Variants in GPHN observed in about 807,000 individuals in gnomAD.
GPHN encodes gephyrin.
Under a neutral mutation model 95.5 loss-of-function variants are expected in GPHN, and 17 were observed. The observed-to-expected ratio is 0.18, with a 90% CI of 0.12 to 0.27. The LOEUF (loss-of-function observed/expected upper bound fraction) is 0.27, where lower values mean the gene tolerates loss of function less well. Among genes scored for constraint, GPHN ranks in the 10% least tolerant of loss-of-function variants. The probability of loss-of-function intolerance (pLI) is 1.00; values close to 1 mark genes in which losing one functional copy is unlikely to be tolerated. For synonymous variants in GPHN, 320 were observed against 322.5 expected (o/e 0.99, Z 0.08); for missense variants, 660 against 978.1 (o/e 0.67, Z 4.34).
intron 6 of GPHN, among the ~76,000 whole-genome samples, chr14:66,920,692 A>G (rs1460949729): frequency 1.3e-5 from 2 of 151,304 alleles, no homozygotes; most frequent in Non-Finnish European, 2.9e-5. Flanking sequence ...TGCACCCTTC[A>G]CCGAGAGGTA....
At chr14:67,673,160 T>G in the GPHN span, among the ~76,000 whole-genome samples, 1 of 152,306 alleles carries the variant, frequency 6.6e-6, no homozygotes, top group African/African-American at 2.4e-5. Flanking sequence ...CTGGCCAACA[T>G]GGCAAAACCC....
chr14:67,691,034 T>A, the GPHN span: 3 of 767,898 alleles, frequency 3.9e-6, no homozygotes, highest in East Asian at 2.4e-5. Flanking sequence ...TGGTCTATTA[T>A]GGTCCTGAGG....
chr14:66,570,543 C>T (rs900926525), intron 1 of GPHN, among the ~76,000 whole-genome samples: 2 of 151,810 alleles, frequency 1.3e-5, no homozygotes, highest in African/African-American at 2.4e-5. Context: ...TGATCTCAGG[C>T]GATCCACCTG....
At chr14:67,621,580 G>A in the GPHN span, among the ~76,000 whole-genome samples, 1 of 151,818 alleles carries the variant, frequency 6.6e-6, no homozygotes, top group East Asian at 2.0e-4. Context: ...CAAGTAGCTG[G>A]AATTACAGGT....
At chr14:66,800,458 G>A (rs1280794533) in intron 3 of GPHN, among the ~76,000 whole-genome samples, 1 of 151,902 alleles carries the variant, frequency 6.6e-6, no homozygotes, top group Non-Finnish European at 1.5e-5. Flanking sequence ...TCTATTCTAG[G>A]GTAAAAGATT....
At chr14:66,941,648 G>A (rs558982823) in intron 8 of GPHN, among the ~76,000 whole-genome samples, 1 of 150,638 alleles carries the variant, frequency 6.6e-6, no homozygotes, top group African/African-American at 2.4e-5. Context: ...CTTGACTCCT[G>A]AAAGGGAAAC....
intron 1 of GPHN, among the ~76,000 whole-genome samples, chr14:66,538,983 A>C (rs1204764367): frequency 6.6e-6 from 1 of 152,152 alleles, no homozygotes; most frequent in Non-Finnish European, 1.5e-5. Flanking sequence ...TATTAGGGTC[A>C]GTCTGCATTG....
chr14:67,429,183 C>T, the GPHN span, among the ~76,000 whole-genome samples: 1 of 151,660 alleles, frequency 6.6e-6, no homozygotes, highest in Non-Finnish European at 1.5e-5. Context: ...AGTGTGGTGG[C>T]TCATGCCTGT....
chr14:67,606,249 AG>A, the GPHN span, among the ~76,000 whole-genome samples: 2 of 152,230 alleles, frequency 1.3e-5, no homozygotes, highest in Non-Finnish European at 2.9e-5. Context: ...CGCAGAAAGT[AG>A]TGGTTTTTTT....
the GPHN span, among the ~76,000 whole-genome samples, chr14:67,414,495 C>G: frequency 6.6e-6 from 1 of 152,226 alleles, no homozygotes; most frequent in South Asian, 2.1e-4. Flanking sequence ...GAGCAAGAAG[C>G]TTTCAGAGAG....
intron 9 of GPHN, among the ~76,000 whole-genome samples, chr14:66,985,968 C>CA (rs1220681773): frequency 2.6e-5 from 4 of 152,050 alleles, no homozygotes; most frequent in African/African-American, 7.2e-5. Flanking sequence ...AATGGCACCA[C>CA]AAACAACAGA....
chr14:66,903,324 T>C (rs1400049295), intron 5 of GPHN, among the ~76,000 whole-genome samples: 4 of 152,176 alleles, frequency 2.6e-5, no homozygotes, highest in Non-Finnish European at 5.9e-5. Flanking sequence ...TTTTGCTGAA[T>C]TGACCTCTTT....
the GPHN span, among the ~76,000 whole-genome samples, chr14:67,298,247 T>C: frequency 6.6e-6 from 1 of 152,232 alleles, no homozygotes; most frequent in South Asian, 2.1e-4. Flanking sequence ...TTTAGTAATT[T>C]ATTAGTATCA....
chr14:67,568,794 C>T, the GPHN span, among the ~76,000 whole-genome samples: 6 of 152,102 alleles, frequency 3.9e-5, no homozygotes, highest in African/African-American at 1.4e-4. Context: ...TTCAGAGCAA[C>T]AGTTTACTGA....
chr14:67,145,258 C>T (rs749561349), intron 18 of GPHN, among the ~76,000 whole-genome samples: 2 of 152,114 alleles, frequency 1.3e-5, no homozygotes, highest in Non-Finnish European at 2.9e-5. Context: ...AGAACTAAAA[C>T]GTTTATCTTT....
intron 8 of GPHN, among the ~76,000 whole-genome samples, chr14:66,959,729 C>G (rs921437848): frequency 1.3e-5 from 2 of 151,756 alleles, no homozygotes; most frequent in African/African-American, 4.8e-5. Context: ...TTAGTTTATC[C>G]TGCTTGGGAT....
the GPHN span, among the ~76,000 whole-genome samples, chr14:67,372,055 A>C: frequency 2.6e-5 from 4 of 152,072 alleles, no homozygotes; most frequent in South Asian, 8.3e-4. Context: ...ACTTGAGCCC[A>C]GGAGTTCGAG....
chr14:67,058,732 A>C lies in GPHN; in HGVS notation c.1090A>C (p.Ile364Leu), dbSNP rs1217162727. ...TCTGACATCTATGGACAAAGCCTTTATCACAGTCCTGGAGATGACTCCGGT... is the reference window on the plus strand; with the variant it reads ...TCTGACATCTATGGACAAAGCCTTTCTCACAGTCCTGGAGATGACTCCGGT... ...FPLTSMDKAF[I>L]TVLEMTPVLG... Residue 364 changes from isoleucine (I) to leucine (L), a missense_variant, in exon 11 of 23, where the codon ATC (isoleucine) becomes CTC (leucine). Coordinates refer to ENST00000478722, the MANE Select transcript of GPHN (RefSeq NM_020806.5). The C allele has an allele frequency of 6.2e-7, 1 of 1,613,710 alleles. No homozygotes were observed. The highest frequency in any genetic ancestry group is 8.5e-7 in the Non-Finnish European group (1 of 1,179,604).
the GPHN span, among the ~76,000 whole-genome samples, chr14:67,629,496 A>G: frequency 6.6e-6 from 1 of 152,236 alleles, no homozygotes; most frequent in African/African-American, 2.4e-5. Flanking sequence ...TTATAAAAAC[A>G]AAGTGGAATA....
Sources: allele counts gnomAD v4.1 joint callset (sites outside exome capture counted in the v4.1 genomes callset), GRCh38; gene constraint gnomAD v4.1.1; transcripts MANE v1.5; gene names NCBI Gene and HGNC (gene_info 2026-07-23, HGNC 2026-07-21).